The following DCC variants were observed in gnomAD, a reference collection of about 807,000 sequenced individuals.
DCC encodes the protein DCC netrin 1 receptor, also known as netrin receptor DCC.
A neutral mutation model predicts 172.5 loss-of-function variants in DCC; 58 were observed. The ratio of observed to expected loss-of-function variants is 0.34; its 90% CI spans 0.27 to 0.42. The LOEUF (loss-of-function observed/expected upper bound fraction) is 0.42. Ranked by LOEUF, DCC falls within the 10% of genes least tolerant of loss-of-function variation. DCC has a pLI of 1.00. For synonymous variants in DCC, 709 were observed against 644.5 expected, an observed-to-expected ratio of 1.10 and a Z score of -1.52; for missense variants, 1,740 against 1,791.0, an observed-to-expected ratio of 0.97 and a Z score of 0.51.
chr18:52,931,815 C>G (rs934948938), intron 5 of DCC: 3 of 151,986 alleles, frequency 2.0e-5, no homozygotes, highest in South Asian at 2.1e-4. Flanking sequence ...TTGGTGGACA[C>G]CTTTTGGGTA....
At chr18:53,322,825 G>A (rs1042666799) in intron 14 of DCC, among the ~76,000 whole-genome samples, 1 of 151,660 alleles carries the variant, frequency 6.6e-6, no homozygotes, top group Non-Finnish European at 1.5e-5. Context: ...GGGTAATGAA[G>A]TGACAGAATA....
chr18:52,847,709 T>A (rs749296327), intron 2 of DCC, among the ~76,000 whole-genome samples: 1 of 152,152 alleles, frequency 6.6e-6, no homozygotes, highest in African/African-American at 2.4e-5. Context: ...CTCTGACTAT[T>A]AGTTTCCTGG....
At chr18:52,738,143 C>A (rs2036757231) in intron 1 of DCC, among the ~76,000 whole-genome samples, 2 of 152,124 alleles carry the variant, frequency 1.3e-5, no homozygotes, top group South Asian at 4.1e-4. Context: ...GTTTGCCTTA[C>A]CACTGTCTCA....
intron 1 of DCC, among the ~76,000 whole-genome samples, chr18:52,341,797 G>T (rs1468256134): frequency 6.6e-6 from 1 of 152,200 alleles, no homozygotes; most frequent in Non-Finnish European, 1.5e-5. Context: ...TTGTTTTGCG[G>T]GACCTCACCG....
intron 8 of DCC, among the ~76,000 whole-genome samples, chr18:53,172,445 A>G (rs2055027586): frequency 6.6e-6 from 1 of 152,178 alleles, no homozygotes; most frequent in Non-Finnish European, 1.5e-5. Context: ...ACACATTTTC[A>G]CATGTACCCC....
At chr18:52,738,646 T>C (rs1295070225) in intron 1 of DCC, among the ~76,000 whole-genome samples, 1 of 152,112 alleles carries the variant, frequency 6.6e-6, no homozygotes, top group African/African-American at 2.4e-5. Flanking sequence ...CTACACCAAA[T>C]TTATTTTAAA....
intron 12 of DCC, among the ~76,000 whole-genome samples, chr18:53,300,299 A>T (rs143705844): frequency 6.6e-6 from 1 of 152,292 alleles, no homozygotes; most frequent in Admixed American, 6.5e-5. Context: ...GAGTTGCCAA[A>T]TGTCCACGTT....
chr18:52,821,800 G>T (rs536195512), intron 2 of DCC, among the ~76,000 whole-genome samples: 11 of 152,208 alleles, frequency 7.2e-5, no homozygotes, highest in African/African-American at 2.6e-4. Context: ...ATACTCCTTG[G>T]TCTTGTATCT....
rs529634914 is a variant in DCC at position 52,961,297 on chromosome 18, T to TATAAA, written c.985+35934_985+35938dup. On this transcript the variant is annotated intron_variant, in intron 5 of 28. Coordinates refer to ENST00000442544, the MANE Select transcript of DCC (RefSeq NM_005215.4). ...CCTAAAACTTAAAGTATAATAAAAA[T>TATAAA]ATAAAATAAAAATAAAATGCATAGG... 3.3e-3 allele frequency among the ~76,000 whole-genome samples: 505 copies of TATAAA among 152,104 alleles called. 3 individuals carry two copies. The highest frequency in any genetic ancestry group is 0.012 in the African/African-American group (482 of 41,518).
rs142235499 is a variant in DCC at position 53,299,766 on chromosome 18, G to A, written c.1912-5812G>A. Among the ~76,000 whole-genome samples, 970 of 152,232 alleles carry A rather than the reference G, an allele frequency of 6.4e-3. 3 individuals carry two copies. Among genetic ancestry groups the A allele is most frequent in the Non-Finnish European group, 9.9e-3 (672 of 68,008 alleles). ...AACTTCTCATAGGAGGCAATATTAA[G>A]CAGAAAAGAATGTCCTCCTTTTGAC... is the stretch of plus-strand genomic sequence containing the variant. On this transcript the variant is annotated intron_variant, in intron 12 of 28. Coordinates refer to ENST00000442544, the MANE Select transcript of DCC (RefSeq NM_005215.4).
chr18:52,395,335 T>C (rs929166295), intron 1 of DCC, among the ~76,000 whole-genome samples: 4 of 152,000 alleles, frequency 2.6e-5, no homozygotes, highest in East Asian at 1.9e-4. Flanking sequence ...CTCAAACAAG[T>C]AGTGGGTTGT....
chr18:52,555,708 TG>T (rs1452869212), intron 1 of DCC, among the ~76,000 whole-genome samples: 2 of 152,160 alleles, frequency 1.3e-5, no homozygotes, highest in African/African-American at 4.8e-5. Flanking sequence ...CTAAGAAGAC[TG>T]TTTTTTAAAA....
intron 1 of DCC, among the ~76,000 whole-genome samples, chr18:52,750,488 T>C (rs898947696): frequency 1.3e-5 from 2 of 152,194 alleles, no homozygotes; most frequent in African/African-American, 4.8e-5. Context: ...TATTTTACAA[T>C]TTATATTAAT....
intron 1 of DCC, among the ~76,000 whole-genome samples, chr18:52,529,492 G>A (rs536030760): frequency 2.2e-4 from 34 of 152,164 alleles, no homozygotes; most frequent in African/African-American, 7.7e-4. Context: ...GGGTTTCCCC[G>A]TGTTAGCCAG....
chr18:53,318,279 A>G (rs2144817068), intron 13 of DCC, among the ~76,000 whole-genome samples: 1 of 152,210 alleles, frequency 6.6e-6, no homozygotes, highest in Non-Finnish European at 1.5e-5. Context: ...GTTTCCATGT[A>G]GTTGTGTGGT....
chr18:53,227,131 T>A, intron 12 of DCC, among the ~76,000 whole-genome samples: 1 of 150,902 alleles, frequency 6.6e-6, no homozygotes, highest in Non-Finnish European at 1.5e-5. Flanking sequence ...GTATTTTTAA[T>A]AGAGATGGGT....
At chr18:53,125,481 G>A (rs1199901024) in intron 7 of DCC, among the ~76,000 whole-genome samples, 1 of 151,956 alleles carries the variant, frequency 6.6e-6, no homozygotes, top group Admixed American at 6.6e-5. Flanking sequence ...CCCTGAAATT[G>A]CATGTTTTCA....
At chr18:53,025,434 T>C (rs1194565225) in intron 5 of DCC, among the ~76,000 whole-genome samples, 2 of 152,110 alleles carry the variant, frequency 1.3e-5, no homozygotes, top group Non-Finnish European at 2.9e-5. Context: ...TTAGGGTTTG[T>C]ACCTTGGCCC....
intron 1 of DCC, among the ~76,000 whole-genome samples, chr18:52,390,075 A>T (rs1598777108): frequency 6.6e-6 from 1 of 151,692 alleles, no homozygotes; most frequent in East Asian, 2.0e-4. Flanking sequence ...TTCTTCCCTA[A>T]GGTTTCTATG....
Sources: gnomAD v4.1 joint callset for allele counts (sites outside exome capture counted in the v4.1 genomes callset) on GRCh38, gnomAD v4.1.1 for gene constraint, MANE v1.5 for transcripts, NCBI Gene and HGNC (gene_info 2026-07-23, HGNC 2026-07-21) for gene names.